The following S100Z variants were observed in gnomAD, a reference collection of about 807,000 sequenced individuals.
The protein encoded by S100Z is protein S100-Z.
S100Z carries 11 observed loss-of-function variants against 8.5 expected under a neutral mutation model. The ratio of observed to expected loss-of-function variants is 1.30; its 90% CI spans 0.82 to 2.15. The LOEUF is 2.15. Ranked by LOEUF, S100Z falls within the 30% of genes most tolerant of loss-of-function variation. S100Z has a pLI of 0.00. For missense variants in S100Z, 126 were observed against 117.9 expected, an observed-to-expected ratio of 1.07 and a Z score of -0.32; for synonymous variants, 34 against 43.8, an observed-to-expected ratio of 0.78 and a Z score of 0.89.
At chr5:76,922,957 A>G (rs1271803203), downstream of S100Z, among the ~76,000 whole-genome samples, 2 of 152,006 alleles carry the variant, frequency 1.3e-5, no homozygotes, top group African/African-American at 4.8e-5. Flanking sequence ...GCTGAGTTTT[A>G]GCAAGCCTTC....
chr5:76,938,864 C>G, the S100Z span, among the ~76,000 whole-genome samples: 2 of 151,972 alleles, frequency 1.3e-5, no homozygotes, highest in Non-Finnish European at 2.9e-5. Context: ...ATTTGCTCAT[C>G]ATGCAAAAAA....
intron 3 of S100Z, among the ~76,000 whole-genome samples, chr5:76,876,352 C>T (rs2150641835): frequency 6.6e-6 from 1 of 151,402 alleles, no homozygotes. Context: ...CTTTTCCTCT[C>T]ATTCCGTTTG....
chr5:76,951,269 G>C, the S100Z span, among the ~76,000 whole-genome samples: 394 of 152,364 alleles, frequency 2.6e-3, 4 homozygotes, highest in African/African-American at 8.8e-3. Context: ...CATCATGACA[G>C]CAGGGTGGGA....
chr5:76,876,965 C>G (rs1357943574), intron 3 of S100Z, among the ~76,000 whole-genome samples: 1 of 152,108 alleles, frequency 6.6e-6, no homozygotes, highest in Non-Finnish European at 1.5e-5. Context: ...TGCTTTCCAC[C>G]CATAAAATGC....
chr5:76,863,197 A>G (rs138355529), intron 1 of S100Z, among the ~76,000 whole-genome samples: 12 of 152,348 alleles, frequency 7.9e-5, no homozygotes, highest in African/African-American at 2.9e-4. Flanking sequence ...AAAAGAGTAT[A>G]GTCAAGGCTC....
chr5:76,936,614 C>CCT, the S100Z span, among the ~76,000 whole-genome samples: 57 of 123,856 alleles, frequency 4.6e-4, no homozygotes, highest in Non-Finnish European at 5.7e-4. Flanking sequence ...CATTAAAGTT[C>CCT]CTACACACAC....
intron 4 of S100Z, among the ~76,000 whole-genome samples, chr5:76,888,072 A>G (rs964512451): frequency 1.3e-5 from 2 of 151,898 alleles, no homozygotes; most frequent in African/African-American, 4.8e-5. Context: ...CCTGGTTAAT[A>G]TGGTGAAACC....
chr5:76,885,803 C>T (rs577479273), intron 4 of S100Z, among the ~76,000 whole-genome samples: 121 of 149,580 alleles, frequency 8.1e-4, no homozygotes, highest in Non-Finnish European at 1.3e-3. Flanking sequence ...TGCTTGCCCC[C>T]CAGAAAAGTG....
intron 1 of S100Z, among the ~76,000 whole-genome samples, chr5:76,851,152 G>A (rs1168087006): frequency 6.6e-6 from 1 of 152,256 alleles, no homozygotes; most frequent in Admixed American, 6.5e-5. Context: ...CCCAGGAGCT[G>A]AGGGGCATCG....
chr5:76,864,576 G>A (rs1751200035), intron 1 of S100Z, among the ~76,000 whole-genome samples: 1 of 151,142 alleles, frequency 6.6e-6, no homozygotes, highest in African/African-American at 2.4e-5. Context: ...ACTAATTTTT[G>A]TATTTTTAGT....
chr5:76,895,765 C>CTTTTTTTTT (rs57723242), intron 4 of S100Z, among the ~76,000 whole-genome samples: 2 of 88,334 alleles, frequency 2.3e-5, no homozygotes, highest in African/African-American at 3.8e-5. Context: ...TCTTTTCTTC[C>CTTTTTTTTT]TTTTTTTTTT....
intron 4 of S100Z, among the ~76,000 whole-genome samples, chr5:76,895,702 C>T (rs1215349337): frequency 6.7e-6 from 1 of 150,142 alleles, no homozygotes; most frequent in African/African-American, 2.4e-5. Context: ...AATCCAATTA[C>T]ATTAAGTTAT....
chr5:76,927,287 C>T, the S100Z span, among the ~76,000 whole-genome samples: 1 of 152,162 alleles, frequency 6.6e-6, no homozygotes, highest in African/African-American at 2.4e-5. Flanking sequence ...TCTGGCCCTA[C>T]CTCTCCACCT....
At chr5:76,925,687 C>T (rs958374493), downstream of S100Z, among the ~76,000 whole-genome samples, 10 of 152,040 alleles carry the variant, frequency 6.6e-5, no homozygotes, top group Admixed American at 6.5e-4. Flanking sequence ...GTATGTAAAG[C>T]CAGGCGTGGT....
intron 4 of S100Z, among the ~76,000 whole-genome samples, chr5:76,913,633 C>T (rs1744746406): frequency 6.6e-6 from 1 of 152,236 alleles, no homozygotes; most frequent in Admixed American, 6.5e-5. Context: ...TACTACCACA[C>T]ACTCTCAAAG....
chr5:76,863,788 T>C (rs926763151), intron 1 of S100Z, among the ~76,000 whole-genome samples: 1 of 152,178 alleles, frequency 6.6e-6, no homozygotes, highest in Non-Finnish European at 1.5e-5. Flanking sequence ...TCCACCCACC[T>C]TGGCCTCCCA....
chr5:76,922,766 G>A (rs1347622909), downstream of S100Z, among the ~76,000 whole-genome samples: 4 of 152,196 alleles, frequency 2.6e-5, no homozygotes, highest in South Asian at 4.2e-4. Flanking sequence ...CTCGTGATCT[G>A]CCCGCCTCGG....
At chr5:76,891,558 CT>C (rs1182359973) in intron 4 of S100Z, among the ~76,000 whole-genome samples, 1 of 152,132 alleles carries the variant, frequency 6.6e-6, no homozygotes, top group East Asian at 1.9e-4. Context: ...GGGGTGGAGC[CT>C]GAGATTCTGC....
chr5:76,939,417 G>A, the S100Z span, among the ~76,000 whole-genome samples: 2 of 150,978 alleles, frequency 1.3e-5, no homozygotes, highest in African/African-American at 4.9e-5. Context: ...CTCCCAAAGT[G>A]CTGGGATTAC....
Sources: gnomAD v4.1 joint callset for allele counts (sites outside exome capture counted in the v4.1 genomes callset) on GRCh38, gnomAD v4.1.1 for gene constraint, MANE v1.5 for transcripts, NCBI Gene and HGNC (gene_info 2026-07-23, HGNC 2026-07-21) for gene names.